B3GAT3: variants seen among roughly 807,000 people sequenced by gnomAD.
The protein encoded by B3GAT3 is galactosylgalactosylxylosylprotein 3-beta-glucuronosyltransferase 3.
A neutral mutation model predicts 33.1 loss-of-function variants in B3GAT3; 19 were observed. The ratio of observed to expected loss-of-function variants is 0.57; its 90% confidence interval spans 0.40 to 0.84. B3GAT3 has a LOEUF of 0.84. Ranked by LOEUF, B3GAT3 falls within the 40% of genes least tolerant of loss-of-function variation. The probability of loss-of-function intolerance (pLI) is 0.00; values close to 1 mark genes in which losing one functional copy is unlikely to be tolerated. For synonymous variants in B3GAT3, 167 were observed against 193.5 expected (o/e 0.86, Z 1.14); for missense variants, 344 against 441.5 (o/e 0.78, Z 1.98).
rs1943006238 is a variant in B3GAT3 at position 62,615,584 on chromosome 11, G to A, written c.*117C>T. ...CATGCCCTGGGCCTGGAGGGGCAGAGGGGCCACTTCTGGCTCCAAGGGTCA... is the reference window on the plus strand; with the variant it reads ...CATGCCCTGGGCCTGGAGGGGCAGAAGGGCCACTTCTGGCTCCAAGGGTCA... On this transcript the variant is annotated 3_prime_UTR_variant, in exon 5 of 5. Transcript: ENST00000265471. The A allele has an allele frequency of 6.6e-7, 1 of 1,522,446 alleles. No homozygotes were observed. The highest frequency in any genetic ancestry group is 1.4e-5 in the African/African-American group (1 of 72,896). 94.3% of individuals were successfully genotyped at this position (1,522,446 alleles called of 1,614,324 possible).
intron 4 of B3GAT3, chr11:62,616,145 G>A (rs1475059488): frequency 7.4e-6 from 4 of 542,432 alleles, no homozygotes; most frequent in South Asian, 6.1e-5. Flanking sequence ...TTGGGAGGCT[G>A]AGGCAGGAGA....
intron 2 of B3GAT3, among the ~76,000 whole-genome samples, chr11:62,619,175 GAA>G (rs35210758): frequency 2.1e-4 from 31 of 145,446 alleles, no homozygotes; most frequent in Middle Eastern, 3.5e-3. Flanking sequence ...GCGGGGGGAA[GAA>G]AAAAAAAAAA....
chr11:62,621,693 T>G (rs1251190672), intron 1 of B3GAT3, among the ~76,000 whole-genome samples, 173 bp downstream of exon 1: 1 of 152,188 alleles, frequency 6.6e-6, no homozygotes, highest in Non-Finnish European at 1.5e-5. Context: ...TCATCCGAGG[T>G]GCGGCGGGTA....
At chr11:62,617,904 GTTGGCTCACGCC>G in intron 2 of B3GAT3, among the ~76,000 whole-genome samples, 1 of 150,880 alleles carries the variant, frequency 6.6e-6, no homozygotes, top group African/African-American at 2.4e-5. Flanking sequence ...GGCCGGGCAT[GTTGGCTCACGCC>G]TATAATCCCA....
At chr11:62,619,724 T>TTTTTTTTG (rs1554969086) in intron 2 of B3GAT3, among the ~76,000 whole-genome samples, 22 of 137,134 alleles carry the variant, frequency 1.6e-4, no homozygotes, top group African/African-American at 6.1e-4. Flanking sequence ...TTTTTTTTTT[T>TTTTTTTTG]CAGAGACAAG....
rs1382710329 is a variant in B3GAT3 at position 62,616,712 on chromosome 11, G to A, written c.703C>T (p.Arg235Trp). The change falls in exon 4 of 5, where the codon CGG (arginine) becomes TGG (tryptophan). Residue 235 changes from arginine (R) to tryptophan (W), a missense_variant. Coordinates refer to ENST00000265471, the MANE Select transcript of B3GAT3 (RefSeq NM_012200.4). ...RFEGPQVQDG[R>W]VVGFHTAWEP... The stretch of plus-strand genomic sequence containing the variant: ...CATGCTGTGTGGAAGCCCACTACCC[G>A]GCCGTCCTGTACCTGAGGGCCCTCG... 4 of 1,613,962 alleles carry A rather than the reference G, an allele frequency of 2.5e-6. No individual in the cohort carries two copies. Among genetic ancestry groups the A allele is most frequent in the Non-Finnish European group, 3.4e-6 (4 of 1,179,986 alleles).
At chr11:62,618,708 G>C (rs576918976) in intron 2 of B3GAT3, among the ~76,000 whole-genome samples, 1 of 151,546 alleles carries the variant, frequency 6.6e-6, no homozygotes, top group South Asian at 2.1e-4. Context: ...TACTGGCCAG[G>C]CATGGTGGCT....
intron 2 of B3GAT3, 151 bp from the exon 3 acceptor site, chr11:62,617,498 C>T: frequency 3.0e-6 from 3 of 1,008,348 alleles, no homozygotes; most frequent in Non-Finnish European, 4.5e-6. Context: ...CTGTCAACTT[C>T]ATGCTAACAC....
Position 62,616,242 on chromosome 11 carries a change from TG to T in B3GAT3, c.909+263del, listed in dbSNP as rs753764477. On this transcript the variant is annotated intron_variant, in intron 4 of 4. Coordinates refer to ENST00000265471, the MANE Select transcript of B3GAT3 (RefSeq NM_012200.4). The stretch of plus-strand genomic sequence containing the variant: ...CTGGGTGACACAGCGAGACTCTGTC[TG>T]AAAAAAAAAAAAAAACAACAAACAG... The T allele has an allele frequency of 0.071, 31,809 of 446,668 alleles. 32 individuals carry two copies. The highest frequency in any genetic ancestry group is 0.12 in the East Asian group (2,851 of 24,210). 27.7% of individuals were successfully genotyped at this position (446,668 alleles called of 1,614,324 possible).
chr11:62,621,957 G>T lies in B3GAT3; in HGVS notation c.-10C>A. 1 of 1,612,620 alleles carries T rather than the reference G, an allele frequency of 6.2e-7. No individual in the cohort carries two copies. The highest frequency in any genetic ancestry group is 8.5e-7 in the Non-Finnish European group (1 of 1,179,240). ...TCAGCTTCAGCTTCATGGCCGCGCC[G>T]CCGCCCGCGCCCGAGCAGGCGGGGT... On this transcript the variant is annotated 5_prime_UTR_variant, in exon 1 of 5. Coordinates refer to ENST00000265471, the MANE Select transcript of B3GAT3 (RefSeq NM_012200.4).
Position 62,615,564 on chromosome 11 carries a change from C to G in B3GAT3, c.*137G>C, listed in dbSNP as rs1293311293. 4 of 1,469,274 alleles carry G rather than the reference C, an allele frequency of 2.7e-6. No homozygotes were observed. The East Asian group carries it at 9.9e-5, about 36-fold the overall frequency. The allele number at this position is 1,469,274 out of a possible 1,614,324, so 91.0% of individuals were successfully genotyped here. On this transcript the variant is annotated 3_prime_UTR_variant, in exon 5 of 5. Transcript: ENST00000265471. ...GAGGGGTGAAGCAGCAGGACCATGC[C>G]CTGGGCCTGGAGGGGCAGAGGGGCC...
intron 4 of B3GAT3, chr11:62,616,304 T>C: frequency 1.4e-6 from 1 of 737,312 alleles, no homozygotes; most frequent in Non-Finnish European, 2.2e-6. Context: ...GCCACATGGG[T>C]TCCCAGAACT....
At chr11:62,621,692 G>A (rs988221461) in intron 1 of B3GAT3, among the ~76,000 whole-genome samples, 174 bp downstream of exon 1, 1 of 152,246 alleles carries the variant, frequency 6.6e-6, no homozygotes, top group African/African-American at 2.4e-5. Flanking sequence ...TTCATCCGAG[G>A]TGCGGCGGGT....
intron 1 of B3GAT3, chr11:62,621,243 GAC>G (rs1943138952): frequency 2.2e-6 from 1 of 456,562 alleles, no homozygotes; most frequent in African/African-American, 2.0e-5. Flanking sequence ...GAACAAAACA[GAC>G]ACAGTCCCTG....
At chr11:62,615,860 G>T in intron 4 of B3GAT3, 61 bp from the exon 5 acceptor site, 1 of 1,591,114 alleles carries the variant, frequency 6.3e-7, no homozygotes, top group Non-Finnish European at 8.5e-7. Context: ...CTGGGTCCCC[G>T]AGCCTGGAAT....
Position 62,616,814 on chromosome 11 carries a change from A to C in B3GAT3, c.619-18T>G. 6.2e-7 allele frequency: 1 copy of C among 1,613,702 alleles called. No homozygotes were observed. The highest frequency in any genetic ancestry group is 1.3e-5 in the African/African-American group (1 of 74,992). On this transcript the variant is annotated intron_variant, in intron 3 of 4. Transcript: ENST00000265471. The stretch of plus-strand genomic sequence containing the variant: ...CAGCGCATCTAACGGAGGTCGGGAG[A>C]GAAGAAACAGAGGGGTGGTCCGGGG...
At chr11:62,621,028 AC>A (rs1398194913) in intron 1 of B3GAT3, 1 of 499,890 alleles carries the variant, frequency 2.0e-6, no homozygotes, top group African/African-American at 1.9e-5. Flanking sequence ...ACACTATGGA[AC>A]CCCTTTTGGA....
At chr11:62,616,237 C>CT (rs1377679268) in intron 4 of B3GAT3, 11 of 559,130 alleles carry the variant, frequency 2.0e-5, no homozygotes, top group Non-Finnish European at 3.5e-5. Flanking sequence ...CAGCGAGACT[C>CT]TGTCTGAAAA....
rs1243976417 is a variant in B3GAT3 at position 62,617,022 on chromosome 11, C to T, written c.583G>A (p.Asp195Asn). ...AGCTCCCGGCTGTAGGTGTTGTCATCGTCAGCAAAGTAGACGACTCCTTGG... is the reference window on the plus strand; with the variant it reads ...AGCTCCCGGCTGTAGGTGTTGTCATTGTCAGCAAAGTAGACGACTCCTTGG... Reference protein sequence around the residue: ...GTQGVVYFADDDNTYSRELFE... With the variant: ...GTQGVVYFADNDNTYSRELFE... The change falls in exon 3 of 5, where the codon GAT becomes AAT. Residue 195 changes from aspartate to asparagine, a missense_variant. Asp to Asn is a conservative substitution (Grantham distance 23). Transcript: ENST00000265471. The T allele has an allele frequency of 1.2e-6, 2 of 1,614,214 alleles. No individual in the cohort carries two copies. Among genetic ancestry groups the T allele is most frequent in the Non-Finnish European group, 1.7e-6 (2 of 1,180,044 alleles).
Sources: gnomAD v4.1 joint callset for allele counts (sites outside exome capture counted in the v4.1 genomes callset) on GRCh38, gnomAD v4.1.1 for gene constraint, MANE v1.5 for transcripts, NCBI Gene and HGNC (gene_info 2026-07-23, HGNC 2026-07-21) for gene names.